The following TNRC18 variants were observed in gnomAD, a reference collection of about 807,000 sequenced individuals.
The protein encoded by TNRC18 is trinucleotide repeat containing 18.
A neutral mutation model predicts 226.7 loss-of-function variants in TNRC18; 69 were observed. The ratio of observed to expected loss-of-function variants is 0.30; its 90% CI spans 0.25 to 0.37. TNRC18 has a LOEUF of 0.37. TNRC18 is among the 10% of genes least tolerant of loss of function. TNRC18 has a pLI of 1.00. For missense variants in TNRC18, 4,754 were observed against 4,256.6 expected (o/e 1.12, Z -3.25); for synonymous variants, 2,449 against 1,927.6 (o/e 1.27, Z -7.09).
In TNRC18 at chr7:5,374,131, A is replaced by T; in HGVS notation, c.3153T>A (p.Ala1051=). 1 of 1,443,180 alleles carries T rather than the reference A, an allele frequency of 6.9e-7. No homozygotes were observed. Among genetic ancestry groups the T allele is most frequent in the East Asian group, 3.6e-5 (1 of 27,868 alleles). The allele number at this position is 1,443,180 out of a possible 1,614,324, so 89.4% of individuals were successfully genotyped here. A position where few individuals can be genotyped will look rare whatever the true frequency, so the allele number is the denominator to read the frequency against. The change falls in exon 10 of 30, where the codon GCT becomes GCA. Residue 1051 remains alanine, a synonymous_variant. Transcript: ENST00000430969. ...PTPGITRKEE[A]PENVVEKKDL... is the part of the protein sequence containing the mutation. ...CTTTCTTCTCGACCACATTCTCGGG[A>T]GCCTCCTCCTTGCGGGTGATACCCG...
intron 2 of TNRC18, among the ~76,000 whole-genome samples, chr7:5,398,546 AG>A (rs1156792079): frequency 6.9e-6 from 1 of 145,610 alleles, no homozygotes; most frequent in Non-Finnish European, 1.5e-5. Context: ...CTCAAACTGC[AG>A]GCCTCAAGCA....
intron 11 of TNRC18, among the ~76,000 whole-genome samples, chr7:5,368,175 A>T (rs763846348): frequency 1.2e-4 from 18 of 152,180 alleles, no homozygotes; most frequent in African/African-American, 3.4e-4. Flanking sequence ...ATGATTTTTT[A>T]AAAACCACAG....
chr7:5,364,693 A>C (rs1448612193), intron 11 of TNRC18, among the ~76,000 whole-genome samples: 2 of 151,468 alleles, frequency 1.3e-5, no homozygotes, highest in Non-Finnish European at 2.9e-5. Flanking sequence ...AATCCCAGCT[A>C]CTTGGGAGGC....
At chr7:5,353,563 A>G (rs78357142) in intron 16 of TNRC18, among the ~76,000 whole-genome samples, 1 of 57,130 alleles carries the variant, frequency 1.8e-5, no homozygotes, top group East Asian at 2.9e-4. Flanking sequence ...TCATCTAAAG[A>G]AAAAAAAAAA....
intron 17 of TNRC18, among the ~76,000 whole-genome samples, chr7:5,347,095 C>A (rs566714084): frequency 3.3e-5 from 5 of 152,088 alleles, no homozygotes; most frequent in Admixed American, 6.5e-5. Context: ...GTAATCCCAG[C>A]CCTCTGAGAG....
chr7:5,342,606 A>T (rs1359774219), intron 18 of TNRC18, among the ~76,000 whole-genome samples: 1 of 152,180 alleles, frequency 6.6e-6, no homozygotes, highest in Non-Finnish European at 1.5e-5. Flanking sequence ...ACATTTGAAA[A>T]GATGAGGAGC....
At chr7:5,382,568 T>C (rs959757001) in intron 5 of TNRC18, among the ~76,000 whole-genome samples, 12 of 151,858 alleles carry the variant, frequency 7.9e-5, no homozygotes, top group Admixed American at 2.0e-4. Context: ...AGTGACTGGA[T>C]AGAGGCCCCA....
In TNRC18 at chr7:5,306,876, AT is replaced by A. The variant is rs1786564551; in HGVS notation, c.*1229del. 1.1e-5 allele frequency: 1 copy of A among 88,222 alleles called. No homozygotes were observed. Among genetic ancestry groups the A allele is most frequent in the East Asian group, 4.5e-4 (1 of 2,198 alleles). The allele number at this position is 88,222 out of a possible 1,614,324, so 5.5% of individuals were successfully genotyped here. A position where few individuals can be genotyped will look rare whatever the true frequency, so the allele number is the denominator to read the frequency against. On this transcript the variant is annotated 3_prime_UTR_variant, in exon 30 of 30. Transcript: ENST00000430969. The stretch of plus-strand genomic sequence containing the variant: ...CAACAAACAAAATTCCAAAAGAAAC[AT>A]AAAAAAAAAAACCAATAATTCCCCC...
rs559419729 is a variant in TNRC18 at position 5,390,175 on chromosome 7, G to A, written c.487+310C>T. The A allele has an allele frequency of 3.1e-4, 149 of 476,782 alleles. 1 individual carries two copies. The highest frequency in any genetic ancestry group is 8.7e-4 in the Admixed American group (22 of 25,184). The allele number at this position is 476,782 out of a possible 1,614,324, so 29.5% of individuals were successfully genotyped here. On this transcript the variant is annotated intron_variant, in intron 4 of 29. Coordinates refer to ENST00000430969, the MANE Select transcript of TNRC18 (RefSeq NM_001080495.3). The stretch of plus-strand genomic sequence containing the variant: ...GGCCAGGAGTTTGAAACCATCCTGG[G>A]CAACACAGCAAGACTCCACCTCTAC...
At chr7:5,402,649 T>C (rs1230705661) in intron 2 of TNRC18, among the ~76,000 whole-genome samples, 2 of 150,744 alleles carry the variant, frequency 1.3e-5, no homozygotes, top group Admixed American at 6.6e-5. Context: ...AGGTCAAGAG[T>C]TCAAGACCAG....
Position 5,374,198 on chromosome 7 carries a change from GAGCTGGGGGT to G in TNRC18, c.3076_3085del (p.Thr1026ProfsTer130). The G allele has an allele frequency of 5.6e-6, 5 of 899,924 alleles. No individual in the cohort carries two copies. Among genetic ancestry groups the G allele is most frequent in the South Asian group, 3.8e-5 (2 of 53,074 alleles). 55.7% of individuals were successfully genotyped at this position (899,924 alleles called of 1,614,324 possible). ...GGCGGGCGGCGGGCTGGTGGGGTGG[GAGCTGGGGGT>G]GGCGGGGTAGGCGTAGGCGGGTGGC... On this transcript the variant is annotated frameshift_variant, in exon 10 of 30. Transcript: ENST00000430969. LOFTEE classifies it high-confidence loss of function.
chr7:5,370,919 C>T lies in TNRC18; in HGVS notation c.3675G>A (p.Gly1225=), dbSNP rs1421540630. 1.2e-6 allele frequency: 2 copies of T among 1,605,486 alleles called. No homozygotes were observed. Among genetic ancestry groups the T allele is most frequent in the Non-Finnish European group, 1.7e-6 (2 of 1,179,722 alleles). Residue 1225 remains glycine, a synonymous_variant, in exon 11 of 30, where the codon GGG becomes GGA. Transcript: ENST00000430969. ...EPSECPDFVE[G]PEPRVDSPGR... ...CCGGGGAATCCACCCGTGGTTCAGG[C>T]CCCTCCACAAAGTCTGGACACTCAG... is the stretch of plus-strand genomic sequence containing the variant.
chr7:5,325,208 G>A lies in TNRC18; in HGVS notation c.6188C>T (p.Pro2063Leu), dbSNP rs769250157. ...GGGCAAGGCAGGAGCTCGGGGCGGC[G>A]GCAGCCCAGCTCCTGGCCCAGCCTC... ...GKEAGPGAGL[P>L]PPRAPALPSE... Residue 2063 changes from proline to leucine, a missense_variant, in exon 20 of 30, where the codon CCG (proline) becomes CTG (leucine). Coordinates refer to ENST00000430969, the MANE Select transcript of TNRC18 (RefSeq NM_001080495.3). 73 of 1,554,504 alleles carry A rather than the reference G, an allele frequency of 4.7e-5. No homozygotes were observed. Among genetic ancestry groups the A allele is most frequent in the Middle Eastern group, 3.5e-4 (2 of 5,746 alleles).
intron 17 of TNRC18, among the ~76,000 whole-genome samples, chr7:5,347,230 C>A (rs1791289921): frequency 6.6e-6 from 1 of 151,054 alleles, no homozygotes; most frequent in African/African-American, 2.4e-5. Flanking sequence ...CTCTGTCACC[C>A]AGGCTGGAGT....
Position 5,312,739 on chromosome 7 carries a change from C to T in TNRC18, c.8152G>A (p.Gly2718Ser). The T allele has an allele frequency of 6.5e-7, 1 of 1,546,780 alleles. No individual in the cohort carries two copies. Among genetic ancestry groups the T allele is most frequent in the Non-Finnish European group, 8.7e-7 (1 of 1,152,178 alleles). Residue 2718 changes from glycine (G) to serine (S), a missense_variant, in exon 27 of 30, where the codon GGC becomes AGC. Coordinates refer to ENST00000430969, the MANE Select transcript of TNRC18 (RefSeq NM_001080495.3). The surrounding 1 kb of genome is among the most constrained non-coding windows in gnomAD (Gnocchi z 6.3). ...GKARPSAHSP[G>S]KKTPAPQPQA... ...GGCTGGGGCGCGGGCGTCTTCTTGC[C>T]TGGGGAGTGGGCCGAGGGCCGCGCC...
rs116725865 is a variant in TNRC18 at position 5,345,782 on chromosome 7, C to T, written c.5499G>A (p.Glu1833=). The T allele has an allele frequency of 8.0e-4, 1,238 of 1,545,164 alleles. 9 individuals carry two copies. In the African/African-American group the frequency reaches 0.014, roughly 18 times the overall value. The change falls in exon 18 of 30, where the codon GAG becomes GAA. Residue 1833 remains glutamate (E), a synonymous_variant. Coordinates refer to ENST00000430969, the MANE Select transcript of TNRC18 (RefSeq NM_001080495.3). ...CCTCGTCCTCCTCCTCGAGCTCCTCCTCCTCGTCCTCCTCCTCCGAGCTCT... is the reference window on the plus strand; with the variant it reads ...CCTCGTCCTCCTCCTCGAGCTCCTCTTCCTCGTCCTCCTCCTCCGAGCTCT... ...QDESSEEEDE[E]EELEEEDEAS...
At chr7:5,359,352 C>T (rs1792790675) in intron 15 of TNRC18, 46 bp downstream of exon 15, 3 of 1,606,214 alleles carry the variant, frequency 1.9e-6, no homozygotes, top group Non-Finnish European at 2.6e-6. Flanking sequence ...ACCCTCCAGA[C>T]ACCTCCCTGA....
At chr7:5,360,599 C>T (rs1189834822) in intron 14 of TNRC18, among the ~76,000 whole-genome samples, 1 of 152,070 alleles carries the variant, frequency 6.6e-6, no homozygotes, top group African/African-American at 2.4e-5. Context: ...AGGTCGGTCA[C>T]ACTAAGGGGT....
At chr7:5,367,286 A>G (rs1360790325) in intron 11 of TNRC18, among the ~76,000 whole-genome samples, 1 of 151,970 alleles carries the variant, frequency 6.6e-6, no homozygotes, top group Admixed American at 6.6e-5. Flanking sequence ...AATCACCTGA[A>G]CCCAGGAGGC....
Sources: allele counts gnomAD v4.1 joint callset (sites outside exome capture counted in the v4.1 genomes callset), GRCh38; gene constraint gnomAD v4.1.1; non-coding constraint Gnocchi (gnomAD v3.1); transcripts MANE v1.5; gene names NCBI Gene and HGNC (gene_info 2026-07-23, HGNC 2026-07-21).